PRKN: variants seen among roughly 807,000 people sequenced by gnomAD.
The protein encoded by PRKN is parkin RBR E3 ubiquitin protein ligase.
Under a neutral mutation model 59.5 loss-of-function variants are expected in PRKN, and 56 were observed. The observed-to-expected ratio is 0.94, with a 90% CI of 0.76 to 1.18. PRKN has a LOEUF of 1.18. Among genes scored for constraint, PRKN ranks in the 50% most tolerant of loss-of-function variants. PRKN has a pLI of 0.00. For missense variants in PRKN, 657 were observed against 596.4 expected (o/e 1.10, Z -1.06); for synonymous variants, 250 against 222.1 (o/e 1.13, Z -1.12).
chr6:162,423,481 G>C (rs1411684512), intron 2 of PRKN, among the ~76,000 whole-genome samples: 1 of 151,934 alleles, frequency 6.6e-6, no homozygotes, highest in Admixed American at 6.6e-5. Flanking sequence ...TATAACTCAG[G>C]GACAATCTTC....
intron 2 of PRKN, among the ~76,000 whole-genome samples, chr6:162,367,586 A>G (rs540475352): frequency 1.3e-5 from 2 of 152,268 alleles, no homozygotes; most frequent in East Asian, 3.9e-4. Context: ...TAGATTCCTA[A>G]ATGTGGACTC....
rs1562602229 is a variant in PRKN at position 162,235,958 on chromosome 6, G to GAAAGAAAAAGA, written c.412+26566_412+26567insTCTTTTTCTTT. 3.1e-4 allele frequency among the ~76,000 whole-genome samples: 29 copies of GAAAGAAAAAGA among 92,676 alleles called. 4 individuals are homozygous for GAAAGAAAAAGA. In the South Asian group the frequency reaches 5.0e-3, roughly 16 times the overall value. The allele number at this position is 92,676 out of a possible 152,430, so 60.8% of individuals were successfully genotyped here. A position where few individuals can be genotyped will look rare whatever the true frequency, so the allele number is the denominator to read the frequency against. ...GGAAGGAAGGAAGGAAGGAAGAAAGGAAGAAAGAAAGAAAGAAAGAAAGAA... is the reference window on the plus strand; with the variant it reads ...GGAAGGAAGGAAGGAAGGAAGAAAGGAAAGAAAAAGAAAGAAAGAAAGAAAGAAAGAAAGAA... On this transcript the variant is annotated intron_variant, in intron 3 of 11. Transcript: ENST00000366898.
chr6:162,316,473 A>G (rs576161425), intron 2 of PRKN, among the ~76,000 whole-genome samples: 2 of 152,274 alleles, frequency 1.3e-5, no homozygotes, highest in African/African-American at 4.8e-5. Flanking sequence ...AGTCTATAAT[A>G]GAGAAAACCA....
At chr6:162,123,523 T>TAC (rs1781005069) in intron 4 of PRKN, among the ~76,000 whole-genome samples, 1 of 152,210 alleles carries the variant, frequency 6.6e-6, no homozygotes, top group Non-Finnish European at 1.5e-5. Flanking sequence ...GTGGTTAACT[T>TAC]TATCATTTAA....
At chr6:161,929,996 T>C (rs578157415) in intron 6 of PRKN, among the ~76,000 whole-genome samples, 158 of 152,288 alleles carry the variant, frequency 1.0e-3, no homozygotes, top group African/African-American at 3.4e-3. Context: ...AAATGGAAAA[T>C]TGTTGGCAAT....
At chr6:162,277,276 G>A (rs994174923) in intron 2 of PRKN, among the ~76,000 whole-genome samples, 2 of 152,068 alleles carry the variant, frequency 1.3e-5, no homozygotes, top group East Asian at 1.9e-4. Context: ...TGGGAGATTC[G>A]GCAGGCATCA....
rs71709903 is a variant in PRKN at position 161,774,382 on chromosome 6, G to GCGCACACA, written c.871+11389_871+11390insTGTGTGCG. 6.4e-3 allele frequency among the ~76,000 whole-genome samples: 834 copies of GCGCACACA among 131,006 alleles called. 15 individuals carry two copies. Among genetic ancestry groups the GCGCACACA allele is most frequent in the Admixed American group, 8.4e-3 (107 of 12,776 alleles). The allele number at this position is 131,006 out of a possible 152,430, so 85.9% of individuals were successfully genotyped here. A position where few individuals can be genotyped will look rare whatever the true frequency, so the allele number is the denominator to read the frequency against. ...CTCCCCCATCCTTTCTACTCCCTGAGCACACACACACACACACACACACAC... is the reference window on the plus strand; with the variant it reads ...CTCCCCCATCCTTTCTACTCCCTGAGCGCACACACACACACACACACACACACACACAC... On this transcript the variant is annotated intron_variant, in intron 7 of 11. Coordinates refer to ENST00000366898, the MANE Select transcript of PRKN (RefSeq NM_004562.3).
chr6:161,840,518 G>A (rs1308265630), intron 6 of PRKN, among the ~76,000 whole-genome samples: 5 of 152,092 alleles, frequency 3.3e-5, no homozygotes, highest in Non-Finnish European at 7.4e-5. Flanking sequence ...GTGGTCATGG[G>A]GGTTTGTTGT....
rs143945785 is a variant in PRKN at position 161,814,412 on chromosome 6, A to G, written c.735-28504T>C. On this transcript the variant is annotated intron_variant, in intron 6 of 11. Transcript: ENST00000366898. ...AAAGACTCACAGTTTCACATGGCTA[A>G]GGAGGCCTCACAATTATAGCAGAAG... 1.9e-3 allele frequency among the ~76,000 whole-genome samples: 289 copies of G among 152,360 alleles called. 5 individuals are homozygous for G. The South Asian group carries it at 0.033, about 18-fold the overall frequency.
chr6:162,598,432 C>T (rs536657202), intron 1 of PRKN, among the ~76,000 whole-genome samples: 1 of 152,118 alleles, frequency 6.6e-6, no homozygotes, highest in Non-Finnish European at 1.5e-5. Context: ...AGAAAAATTG[C>T]TCCTCATGGA....
At chr6:162,519,457 C>T (rs372494424) in intron 1 of PRKN, among the ~76,000 whole-genome samples, 126 of 152,122 alleles carry the variant, frequency 8.3e-4, no homozygotes, top group African/African-American at 3.0e-3. Flanking sequence ...AGGAGGTGCC[C>T]CAGCCACAAA....
intron 6 of PRKN, among the ~76,000 whole-genome samples, chr6:161,904,308 G>T (rs1404517853): frequency 1.7e-5 from 2 of 114,438 alleles, no homozygotes; most frequent in African/African-American, 7.2e-5. Flanking sequence ...GAATTTGTGG[G>T]GTTTTTTTTT....
chr6:161,938,027 A>G (rs1336015213), intron 6 of PRKN, among the ~76,000 whole-genome samples: 1 of 152,230 alleles, frequency 6.6e-6, no homozygotes, highest in African/African-American at 2.4e-5. Context: ...CCAGAAAAAT[A>G]ATTGGACAAC....
intron 4 of PRKN, among the ~76,000 whole-genome samples, chr6:162,181,160 T>A (rs909356299): frequency 5.9e-5 from 9 of 152,212 alleles, no homozygotes; most frequent in Non-Finnish European, 1.5e-5. Flanking sequence ...TAGGAAATGT[T>A]GACCCAGTCG....
chr6:161,624,626 G>A (rs545703570), intron 7 of PRKN, among the ~76,000 whole-genome samples: 35 of 152,312 alleles, frequency 2.3e-4, no homozygotes, highest in African/African-American at 8.4e-4. Flanking sequence ...AGCACTGGGA[G>A]AAAAACACAT....
rs3066554 is a variant in PRKN at position 161,678,216 on chromosome 6, CTTTTTTTTTT to C, written c.871+107546_871+107555del. 7.2e-3 allele frequency among the ~76,000 whole-genome samples: 468 copies of C among 64,954 alleles called. 1 individual carries two copies. The highest frequency in any genetic ancestry group is 0.012 in the African/African-American group (151 of 12,694). 42.6% of individuals were successfully genotyped at this position (64,954 alleles called of 152,430 possible). A position where few individuals can be genotyped will look rare whatever the true frequency, so the allele number is the denominator to read the frequency against. On this transcript the variant is annotated intron_variant, in intron 7 of 11. Coordinates refer to ENST00000366898, the MANE Select transcript of PRKN (RefSeq NM_004562.3). ...TTATGGTAATAACAATACTGAATCA[CTTTTTTTTTT>C]TTTTTTTTTTTTTTTTTTTTTTGGT...
At chr6:162,358,100 A>G (rs534607291) in intron 2 of PRKN, among the ~76,000 whole-genome samples, 92 of 152,332 alleles carry the variant, frequency 6.0e-4, no homozygotes, top group Non-Finnish European at 1.1e-3. Context: ...TGCTTCACCA[A>G]TTTAACAAAT....
chr6:161,605,726 T>C (rs572758708), intron 7 of PRKN, among the ~76,000 whole-genome samples: 1 of 152,142 alleles, frequency 6.6e-6, no homozygotes, highest in African/African-American at 2.4e-5. Context: ...GCCAGGCTGG[T>C]CTCGAACCCC....
chr6:162,228,008 T>C (rs1170044929), intron 3 of PRKN, among the ~76,000 whole-genome samples: 3 of 151,934 alleles, frequency 2.0e-5, no homozygotes, highest in Non-Finnish European at 2.9e-5. Flanking sequence ...TATTTTCTCA[T>C]GTTTGGTGGT....
Sources: allele counts gnomAD v4.1 joint callset (sites outside exome capture counted in the v4.1 genomes callset), GRCh38; gene constraint gnomAD v4.1.1; transcripts MANE v1.5; gene names NCBI Gene and HGNC (gene_info 2026-07-23, HGNC 2026-07-21).